Variants in HDAC4 observed in about 807,000 individuals in gnomAD.
HDAC4 encodes the protein histone deacetylase 4.
Under a neutral mutation model 135.1 loss-of-function variants are expected in HDAC4, and 16 were observed. That is an observed-to-expected ratio of 0.12 (90% CI 0.08 to 0.18). HDAC4 has a LOEUF of 0.18. Ranked by LOEUF, HDAC4 falls within the 10% of genes least tolerant of loss-of-function variation. The pLI is 1.00. For missense variants in HDAC4, 1,143 were observed against 1,511.8 expected (o/e 0.76, Z 4.05); for synonymous variants, 685 against 653.4 (o/e 1.05, Z -0.74).
intron 16 of HDAC4, 89 bp from the exon 17 acceptor site, chr2:239,095,145 G>A (rs2152739192): frequency 1.5e-6 from 2 of 1,374,472 alleles, no homozygotes; most frequent in African/African-American, 1.4e-5. Context: ...GGTCTTCAGT[G>A]GCACTTGGGC....
intron 3 of HDAC4, among the ~76,000 whole-genome samples, chr2:239,207,764 C>T (rs1170923731): frequency 2.0e-5 from 3 of 152,190 alleles, no homozygotes; most frequent in Admixed American, 2.0e-4. Flanking sequence ...AAGGCAGCGA[C>T]AGCCACGTTT....
At chr2:239,134,194 G>C (rs1287003162) in intron 11 of HDAC4, 51 bp downstream of exon 11, 1 of 1,484,506 alleles carries the variant, frequency 6.7e-7, no homozygotes, top group Non-Finnish European at 9.3e-7. Flanking sequence ...GCACCATCCA[G>C]AGCGTGGGCA....
intron 8 of HDAC4, among the ~76,000 whole-genome samples, chr2:239,142,587 GCCACAGCTCAGCACTGA>G (rs2041460183): frequency 6.6e-6 from 1 of 152,246 alleles, no homozygotes; most frequent in African/African-American, 2.4e-5. Context: ...CTCCCTTTAT[GCCACAGCTCAGCACTGA>G]TCACGCCCTG....
intron 2 of HDAC4, among the ~76,000 whole-genome samples, chr2:239,252,580 C>T (rs1268867299): frequency 6.6e-6 from 1 of 152,056 alleles, no homozygotes; most frequent in East Asian, 1.9e-4. Flanking sequence ...GAAGCTGTTG[C>T]CTCCAAGAGC....
chr2:239,378,897 A>G (rs1695216897), intron 1 of HDAC4, among the ~76,000 whole-genome samples: 1 of 152,132 alleles, frequency 6.6e-6, no homozygotes, highest in Admixed American at 6.5e-5. Context: ...GCCTCCTCGA[A>G]GACTGCCAAG....
intron 16 of HDAC4, among the ~76,000 whole-genome samples, chr2:239,096,583 A>G (rs1272890166): frequency 4.8e-5 from 1 of 20,820 alleles, no homozygotes. Flanking sequence ...CCCCACGAAC[A>G]CCTGCACCCC....
intron 2 of HDAC4, among the ~76,000 whole-genome samples, chr2:239,290,334 C>T (rs1049417566): frequency 1.3e-5 from 2 of 152,178 alleles, no homozygotes; most frequent in Non-Finnish European, 2.9e-5. Flanking sequence ...ACCAACGGCA[C>T]GTGACATGAA....
chr2:239,346,603 AACAC>A (rs1692695816), intron 2 of HDAC4, among the ~76,000 whole-genome samples: 1 of 148,482 alleles, frequency 6.7e-6, no homozygotes, highest in Non-Finnish European at 1.5e-5. Flanking sequence ...ACCTGTCTAA[AACAC>A]ACATACACAC....
chr2:239,376,511 ACT>A (rs757523451), intron 1 of HDAC4, among the ~76,000 whole-genome samples: 1 of 152,174 alleles, frequency 6.6e-6, no homozygotes, highest in Admixed American at 6.5e-5. Context: ...TGGGACACAG[ACT>A]CTGTCGACCG....
chr2:239,328,931 A>G (rs1691357969), intron 2 of HDAC4, among the ~76,000 whole-genome samples: 2 of 152,244 alleles, frequency 1.3e-5, no homozygotes, highest in Non-Finnish European at 2.9e-5. Flanking sequence ...CATGCCAGAA[A>G]TTAATCAAGG....
At chr2:239,058,747 A>G (rs568280963) in intron 24 of HDAC4, among the ~76,000 whole-genome samples, 5 of 152,376 alleles carry the variant, frequency 3.3e-5, no homozygotes, top group African/African-American at 1.2e-4. Flanking sequence ...CAATGGAAAG[A>G]AGACAAGAAT....
intron 1 of HDAC4, among the ~76,000 whole-genome samples, chr2:239,382,789 G>A (rs113181818): frequency 0.012 from 1,869 of 152,028 alleles, 18 homozygotes; most frequent in Middle Eastern, 0.058. Flanking sequence ...CAATGTTGCG[G>A]TCCCGGCTCA....
intron 15 of HDAC4, 102 bp from the exon 16 acceptor site, chr2:239,102,998 T>A: frequency 7.1e-7 from 1 of 1,406,160 alleles, no homozygotes; most frequent in Non-Finnish European, 1.0e-6. Context: ...AAAGGAAACT[T>A]AATTTGATAC....
At chr2:239,317,235 C>T (rs982852956) in intron 2 of HDAC4, among the ~76,000 whole-genome samples, 7 of 151,970 alleles carry the variant, frequency 4.6e-5, no homozygotes, top group Non-Finnish European at 8.8e-5. Flanking sequence ...GAGGGAGTAA[C>T]AAATGTGAAA....
At chr2:239,356,456 G>A (rs1345471773) in intron 1 of HDAC4, among the ~76,000 whole-genome samples, 2 of 152,294 alleles carry the variant, frequency 1.3e-5, no homozygotes, top group East Asian at 3.9e-4. Flanking sequence ...AGGAGGCTCT[G>A]TGTTTTATAA....
intron 26 of HDAC4, 61 bp from the exon 27 acceptor site, chr2:239,053,197 G>T: frequency 1.2e-6 from 2 of 1,600,224 alleles, no homozygotes; most frequent in South Asian, 2.2e-5. Context: ...AGAGAGGAGA[G>T]AACAGAACGT....
At chr2:239,359,686 G>A (rs759471994) in intron 1 of HDAC4, among the ~76,000 whole-genome samples, 24 of 152,160 alleles carry the variant, frequency 1.6e-4, no homozygotes, top group Non-Finnish European at 2.9e-4. Context: ...TCATTCCCTG[G>A]TGCCTCTGGT....
At chr2:239,338,474 G>T (rs1438431846) in intron 2 of HDAC4, among the ~76,000 whole-genome samples, 1 of 152,082 alleles carries the variant, frequency 6.6e-6, no homozygotes, top group East Asian at 1.9e-4. Context: ...ACCCCCTAGT[G>T]CAAACATCAA....
At chr2:239,351,809 G>A (rs897053810) in intron 2 of HDAC4, 14 of 154,392 alleles carry the variant, frequency 9.1e-5, no homozygotes, top group African/African-American at 2.2e-4. Context: ...CTGTCCAAGC[G>A]TCTGTCCAGT....
Sources: allele counts gnomAD v4.1 joint callset (sites outside exome capture counted in the v4.1 genomes callset), GRCh38; gene constraint gnomAD v4.1.1; transcripts MANE v1.5; gene names NCBI Gene and HGNC (gene_info 2026-07-23, HGNC 2026-07-21).